Variants in SMURF1 observed in about 807,000 individuals in gnomAD.
SMURF1 encodes the protein E3 ubiquitin-protein ligase SMURF1.
Under a neutral mutation model 98.0 loss-of-function variants are expected in SMURF1, and 44 were observed. The ratio of observed to expected loss-of-function variants is 0.45; its 90% CI spans 0.35 to 0.58. The LOEUF is 0.58. Ranked by LOEUF, SMURF1 falls within the 20% of genes least tolerant of loss-of-function variation. The probability of loss-of-function intolerance (pLI) is 0.00; values close to 1 mark genes in which losing one functional copy is unlikely to be tolerated. For synonymous variants in SMURF1, 396 were observed against 374.9 expected, an observed-to-expected ratio of 1.06 and a Z score of -0.65; for missense variants, 687 against 938.4, an observed-to-expected ratio of 0.73 and a Z score of 3.50.
intron 1 of SMURF1, among the ~76,000 whole-genome samples, chr7:99,134,468 A>G (rs930537730): frequency 2.0e-5 from 3 of 152,206 alleles, no homozygotes; most frequent in Non-Finnish European, 4.4e-5. Flanking sequence ...TAGGTAATAT[A>G]TGTAGAAATA....
At chr7:99,128,074 T>C (rs1386881738) in intron 1 of SMURF1, among the ~76,000 whole-genome samples, 1 of 152,150 alleles carries the variant, frequency 6.6e-6, no homozygotes, top group East Asian at 1.9e-4. Context: ...ATAAACCCTC[T>C]GGGGTTTCCA....
At chr7:99,141,565 AATGT>A (rs1016153788) in intron 1 of SMURF1, among the ~76,000 whole-genome samples, 1 of 152,202 alleles carries the variant, frequency 6.6e-6, no homozygotes, top group African/African-American at 2.4e-5. Flanking sequence ...GGCATAAAGA[AATGT>A]ATTTCCCCAG....
Position 99,042,168 on chromosome 7 carries a change from T to C in SMURF1, c.1321A>G (p.Thr441Ala). The part of the protein sequence containing the change: ...NPYYGLFQYS[T>A]DNIYMLQINP... ...ATTTGCAACATGTAAATATTGTCCGTAGAATACTGGAAGAGCCCGTAATAA... is the reference window on the plus strand; with the variant it reads ...ATTTGCAACATGTAAATATTGTCCGCAGAATACTGGAAGAGCCCGTAATAA... Residue 441 changes from threonine (T) to alanine (A), a missense_variant, in exon 12 of 18, where the codon ACG becomes GCG. Thr to Ala is a moderately conservative substitution (Grantham distance 58). Transcript: ENST00000361368. The C allele has an allele frequency of 6.2e-7, 1 of 1,614,046 alleles. No homozygotes were observed.
intron 1 of SMURF1, among the ~76,000 whole-genome samples, chr7:99,138,107 CAAAAA>C (rs10711307): frequency 6.7e-6 from 1 of 149,674 alleles, no homozygotes; most frequent in African/African-American, 2.5e-5. Context: ...TGTTCAGTGA[CAAAAA>C]AAAAAAATTG....
intron 1 of SMURF1, among the ~76,000 whole-genome samples, chr7:99,076,832 C>T (rs558529999): frequency 1.3e-3 from 161 of 123,432 alleles, no homozygotes; most frequent in African/African-American, 3.8e-3. Context: ...TGCACGTGTG[C>T]CCATGTGTAT....
intron 1 of SMURF1, among the ~76,000 whole-genome samples, chr7:99,116,705 G>A (rs1327884135): frequency 1.3e-5 from 2 of 152,170 alleles, no homozygotes; most frequent in African/African-American, 4.8e-5. Context: ...GAAAGAAACT[G>A]AAGACTTAGA....
Position 99,060,391 on chromosome 7 carries a change from A to G in SMURF1, c.203+208T>C, listed in dbSNP as rs186602613. Among the ~76,000 whole-genome samples, 213 of 151,830 alleles carry G rather than the reference A, an allele frequency of 1.4e-3. 1 individual carries two copies. Among genetic ancestry groups the G allele is most frequent in the African/African-American group, 4.7e-3 (193 of 41,472 alleles). On this transcript the variant is annotated intron_variant, in intron 3 of 17. Coordinates refer to ENST00000361368, the MANE Select transcript of SMURF1 (RefSeq NM_181349.3). ...GAGACTCCGTCTCAAAAAAAAAAAAAAAAAAAGAAAAAAGAAAGTAACAAA... is the reference window on the plus strand; with the variant it reads ...GAGACTCCGTCTCAAAAAAAAAAAAGAAAAAAGAAAAAAGAAAGTAACAAA...
intron 1 of SMURF1, among the ~76,000 whole-genome samples, chr7:99,072,623 CAG>C (rs1413030543): frequency 1.3e-5 from 2 of 151,984 alleles, no homozygotes; most frequent in Non-Finnish European, 2.9e-5. Flanking sequence ...AGCCTGGAGA[CAG>C]AGCAAAATTC....
intron 1 of SMURF1, among the ~76,000 whole-genome samples, chr7:99,140,145 A>T (rs1798082721): frequency 1.3e-5 from 2 of 152,184 alleles, no homozygotes; most frequent in African/African-American, 4.8e-5. Flanking sequence ...AAAAAGGTTA[A>T]ATAACTTGTT....
chr7:99,092,953 G>C (rs1405339037), intron 1 of SMURF1, among the ~76,000 whole-genome samples: 2 of 152,124 alleles, frequency 1.3e-5, no homozygotes, highest in Non-Finnish European at 2.9e-5. Context: ...CACCTACTGA[G>C]AATAATGGGA....
chr7:99,044,559 T>C (rs1473826355), intron 11 of SMURF1, among the ~76,000 whole-genome samples: 1 of 152,124 alleles, frequency 6.6e-6, no homozygotes, highest in African/African-American at 2.4e-5. Flanking sequence ...TGACAGAATT[T>C]AAGAGGCAGA....
In SMURF1 at chr7:99,035,735, G is replaced by A. The variant is rs1186390320; in HGVS notation, c.1810-19C>T. 4.3e-6 allele frequency: 7 copies of A among 1,611,228 alleles called. No homozygotes were observed. Among genetic ancestry groups the A allele is most frequent in the Non-Finnish European group, 8.5e-7 (1 of 1,178,254 alleles). ...TGATCAGCTGAGGAGGTGCAGAAAG[G>A]TGAATTACTTCCAAAATGCATAAAC... is the stretch of plus-strand genomic sequence containing the variant. On this transcript the variant is annotated intron_variant, in intron 15 of 17. Coordinates refer to ENST00000361368, the MANE Select transcript of SMURF1 (RefSeq NM_181349.3).
chr7:99,072,717 G>A (rs973459740), intron 1 of SMURF1, among the ~76,000 whole-genome samples: 5 of 152,134 alleles, frequency 3.3e-5, no homozygotes, highest in African/African-American at 9.7e-5. Flanking sequence ...AACCCCACAC[G>A]TGGCTATGAA....
chr7:99,050,894 TGGGG>T, intron 8 of SMURF1: 9 of 1,314,320 alleles, frequency 6.8e-6, no homozygotes, highest in Non-Finnish European at 9.3e-6. Flanking sequence ...TGTTATGGGG[TGGGG>T]GGGGGGTCTC....
chr7:99,054,736 G>A (rs906996390), intron 6 of SMURF1, 54 bp downstream of exon 6: 109 of 1,518,726 alleles, frequency 7.2e-5, no homozygotes, highest in Non-Finnish European at 9.2e-5. Context: ...CCTATAGGCC[G>A]AGAGGTTAAG....
intron 4 of SMURF1, 29 bp from the exon 5 acceptor site, chr7:99,057,299 C>T: frequency 6.2e-7 from 1 of 1,614,070 alleles, no homozygotes; most frequent in Non-Finnish European, 8.5e-7. Context: ...AAACTTAACC[C>T]AAGGAACGTG....
intron 11 of SMURF1, chr7:99,045,399 A>C (rs899971446): frequency 1.0e-5 from 4 of 395,612 alleles, no homozygotes; most frequent in Non-Finnish European, 1.8e-5. Context: ...CATGCTCCTC[A>C]TGTTTCAAAA....
chr7:99,054,452 G>A (rs745746400), intron 6 of SMURF1, among the ~76,000 whole-genome samples: 16 of 152,010 alleles, frequency 1.1e-4, no homozygotes, highest in Non-Finnish European at 2.2e-4. Flanking sequence ...GACTACAGGC[G>A]CCCACCACCA....
chr7:99,088,257 CAAA>C (rs537503861), intron 1 of SMURF1, among the ~76,000 whole-genome samples: 1 of 131,334 alleles, frequency 7.6e-6, no homozygotes. Flanking sequence ...GACTCTGTCT[CAAA>C]AAAAAAAAAA....
Sources: allele counts gnomAD v4.1 joint callset (sites outside exome capture counted in the v4.1 genomes callset), GRCh38; gene constraint gnomAD v4.1.1; transcripts MANE v1.5; gene names NCBI Gene and HGNC (gene_info 2026-07-23, HGNC 2026-07-21).